The following SORBS2 variants were observed in gnomAD, a reference collection of about 807,000 sequenced individuals.
SORBS2 encodes the protein sorbin and SH3 domain containing 2.
Under a neutral mutation model 97.7 loss-of-function variants are expected in SORBS2, and 46 were observed. The ratio of observed to expected loss-of-function variants is 0.47; its 90% CI spans 0.37 to 0.60. The LOEUF is 0.60. Ranked by LOEUF, SORBS2 falls within the 20% of genes least tolerant of loss-of-function variation. SORBS2 has a pLI of 0.00. For synonymous variants in SORBS2, 476 were observed against 473.4 expected (o/e 1.01, Z -0.07); for missense variants, 1,316 against 1,282.3 (o/e 1.03, Z -0.40).
Position 185,623,228 on chromosome 4 carries a change from G to A in SORBS2, c.1901C>T (p.Ala634Val). 1 of 1,614,134 alleles carries A rather than the reference G, an allele frequency of 6.2e-7. No homozygotes were observed. The highest frequency in any genetic ancestry group is 8.5e-7 in the Non-Finnish European group (1 of 1,180,026). ...GATGTCTTTAAGGGCAGAGTCCAGA[G>A]CCTCAAACACAGATGCTTTACATTT... The change falls in exon 7 of 15, where the codon GCT becomes GTT. Residue 634 changes from alanine (A) to valine (V), a missense_variant. By Grantham distance (64) the Ala-to-Val change is moderately conservative (BLOSUM62 0). Transcript: ENST00000418609. The surrounding 1 kb of genome is among the most constrained non-coding windows in gnomAD (Gnocchi z 6.4).
chr4:185,795,912 GC>G (rs2099102644), intron 1 of SORBS2, among the ~76,000 whole-genome samples: 1 of 152,112 alleles, frequency 6.6e-6, no homozygotes, highest in African/African-American at 2.4e-5. Flanking sequence ...ACCATAGCCT[GC>G]TTCTACTCCC....
chr4:185,673,815 G>T (rs1001933890), intron 4 of SORBS2, among the ~76,000 whole-genome samples: 2 of 152,110 alleles, frequency 1.3e-5, no homozygotes, highest in Non-Finnish European at 2.9e-5. Flanking sequence ...TGGAATCAAT[G>T]GTAAGTTTTC....
At chr4:185,920,720 G>GC (rs1332994153) in intron 1 of SORBS2, among the ~76,000 whole-genome samples, 1 of 152,182 alleles carries the variant, frequency 6.6e-6, no homozygotes, top group Non-Finnish European at 1.5e-5. Flanking sequence ...CCTTCAAGAA[G>GC]CTAGGATTTT....
chr4:185,754,472 TAA>T (rs1470227355), intron 2 of SORBS2, among the ~76,000 whole-genome samples: 2 of 152,108 alleles, frequency 1.3e-5, no homozygotes, highest in African/African-American at 4.8e-5. Context: ...GAACTTAAAA[TAA>T]AAGTTAAAAG....
At chr4:185,604,334 A>G (rs2096354673) in intron 12 of SORBS2, among the ~76,000 whole-genome samples, 1 of 152,190 alleles carries the variant, frequency 6.6e-6, no homozygotes. Flanking sequence ...CACACTCAAG[A>G]TGCAGTTACC....
intron 1 of SORBS2, among the ~76,000 whole-genome samples, chr4:185,814,906 C>T (rs2099192350): frequency 6.6e-6 from 1 of 152,246 alleles, no homozygotes; most frequent in African/African-American, 2.4e-5. Flanking sequence ...GCTCTGACCT[C>T]AGGCCCTGCC....
chr4:185,923,402 C>T (rs926212133), intron 1 of SORBS2, among the ~76,000 whole-genome samples: 2 of 151,960 alleles, frequency 1.3e-5, no homozygotes, highest in Admixed American at 6.6e-5. Flanking sequence ...AAGTGATCCT[C>T]CTGCCTCAGC....
chr4:185,657,514 C>T, upstream of SORBS2: 1 of 1,569,472 alleles, frequency 6.4e-7, no homozygotes, highest in Non-Finnish European at 8.6e-7. Context: ...TCTTCTCTTC[C>T]TCTGAGGATC....
At chr4:185,615,869 C>T (rs1415864532) in intron 9 of SORBS2, among the ~76,000 whole-genome samples, 1 of 152,054 alleles carries the variant, frequency 6.6e-6, no homozygotes, top group Non-Finnish European at 1.5e-5. Flanking sequence ...TCAATTTTGG[C>T]TGTTTCTAAG....
intron 4 of SORBS2, chr4:185,645,888 A>ACC (rs2097199282): frequency 6.6e-6 from 1 of 152,176 alleles, no homozygotes; most frequent in African/African-American, 2.4e-5. Flanking sequence ...GGGAATCAAA[A>ACC]CCAAAGAAGG....
At chr4:185,731,856 CTCTCTCTCTCTATATATATATATA>C (rs1245348100) in intron 2 of SORBS2, among the ~76,000 whole-genome samples, 102 of 35,304 alleles carry the variant, frequency 2.9e-3, no homozygotes, top group African/African-American at 0.01. Flanking sequence ...CTCTCTCTCT[CTCTCTCTCTCTATATATATATATA>C]TATATATATA....
chr4:185,662,338 G>A, intron 4 of SORBS2, 96 bp from the exon 8 acceptor site: 1 of 1,233,908 alleles, frequency 8.1e-7, no homozygotes, highest in Non-Finnish European at 1.1e-6. Flanking sequence ...AATCACATGA[G>A]AGTAATCAGC....
chr4:185,775,972 A>C (rs547331317), intron 1 of SORBS2: 1 of 152,352 alleles, frequency 6.6e-6, no homozygotes, highest in Admixed American at 6.5e-5. Flanking sequence ...ATTCAGTGAC[A>C]TGAGGCAGAC....
chr4:185,835,777 G>C (rs1053808428), intron 1 of SORBS2, among the ~76,000 whole-genome samples: 1 of 150,590 alleles, frequency 6.6e-6, no homozygotes, highest in African/African-American at 2.4e-5. Context: ...AACACTCATA[G>C]TTTTGAAAAC....
chr4:185,733,008 G>C (rs1232636985), intron 2 of SORBS2, among the ~76,000 whole-genome samples: 1 of 152,206 alleles, frequency 6.6e-6, no homozygotes, highest in African/African-American at 2.4e-5. Context: ...AGTGAGGAAG[G>C]ATTCGCTGCT....
At chr4:185,728,428 A>G (rs1019665838) in intron 2 of SORBS2, among the ~76,000 whole-genome samples, 1 of 152,144 alleles carries the variant, frequency 6.6e-6, no homozygotes, top group Admixed American at 6.5e-5. Context: ...ATCTAGCTCT[A>G]GTAATCTTGA....
rs960910172 is a variant in SORBS2 at position 185,727,482 on chromosome 4, T to C, written c.-198+47745A>G. Among the ~76,000 whole-genome samples the C allele has an allele frequency of 9.2e-5, 14 of 152,342 alleles. No homozygotes were observed. In the South Asian group the frequency reaches 1.9e-3, roughly 20 times the overall value. ...AGCAAATCTTATTTATTTCAATGTA[T>C]TTGATTGTTCTGAAATCAGTGACAG... On this transcript the variant is annotated intron_variant, in intron 2 of 20. Transcript: ENST00000284776.
chr4:185,952,886 G>C (rs2099277853), intron 1 of SORBS2, among the ~76,000 whole-genome samples: 1 of 152,138 alleles, frequency 6.6e-6, no homozygotes, highest in Admixed American at 6.5e-5. Context: ...CATCCTCACA[G>C]GTGGCCGAGA....
intron 2 of SORBS2, among the ~76,000 whole-genome samples, chr4:185,706,299 C>A (rs933079509): frequency 1.3e-5 from 2 of 152,154 alleles, no homozygotes; most frequent in African/African-American, 4.8e-5. Context: ...AGTACATGGG[C>A]TGTTTGTATA....
Sources: gnomAD v4.1 joint callset for allele counts (sites outside exome capture counted in the v4.1 genomes callset) on GRCh38, gnomAD v4.1.1 for gene constraint, Gnocchi (gnomAD v3.1) non-coding constraint, MANE v1.5 for transcripts, NCBI Gene and HGNC (gene_info 2026-07-23, HGNC 2026-07-21) for gene names.